The following ART3 variants were observed in gnomAD, a reference collection of about 807,000 sequenced individuals.
ART3 encodes the protein ADP-ribosyltransferase 3 (inactive).
In ART3, 49 loss-of-function variants were observed where a neutral mutation model predicts 48.5. The ratio of observed to expected loss-of-function variants is 1.01; its 90% CI spans 0.80 to 1.28. The LOEUF (loss-of-function observed/expected upper bound fraction) is 1.28, where lower values mean the gene tolerates loss of function less well. ART3 is among the 50% of genes most tolerant of loss of function. ART3 has a pLI of 0.00. For synonymous variants in ART3, 145 were observed against 157.2 expected, an observed-to-expected ratio of 0.92 and a Z score of 0.58; for missense variants, 438 against 454.3, an observed-to-expected ratio of 0.96 and a Z score of 0.33.
chr4:76,074,127 T>C (rs1276889477), upstream of ART3, among the ~76,000 whole-genome samples: 1 of 152,230 alleles, frequency 6.6e-6, no homozygotes, highest in Non-Finnish European at 1.5e-5. Context: ...GTTACTCAAA[T>C]GACAGCTGTA....
At chr4:76,104,755 C>T (rs1728102594) in intron 10 of ART3, 126 bp downstream of exon 10, 4 of 1,191,182 alleles carry the variant, frequency 3.4e-6, no homozygotes, top group Admixed American at 4.3e-5. Flanking sequence ...TCAGTAGTCA[C>T]ATGTACATGA....
chr4:76,039,836 C>G (rs981464764), intron 1 of ART3, among the ~76,000 whole-genome samples: 7 of 152,118 alleles, frequency 4.6e-5, no homozygotes, highest in African/African-American at 7.2e-5. Context: ...TAAAACAAGA[C>G]TAAACTCTTC....
intron 8 of ART3, 34 bp from the exon 9 acceptor site, chr4:76,103,903 A>C (rs375667853): frequency 3.1e-6 from 5 of 1,595,180 alleles, no homozygotes; most frequent in Non-Finnish European, 4.3e-6. Flanking sequence ...AAGATAACTG[A>C]TTAATACAAA....
chr4:76,088,111 G>A (rs866426952), intron 3 of ART3, among the ~76,000 whole-genome samples: 9 of 152,098 alleles, frequency 5.9e-5, no homozygotes, highest in African/African-American at 2.2e-4. Context: ...TGGGAGGACG[G>A]TGAATGAATT....
intron 3 of ART3, among the ~76,000 whole-genome samples, chr4:76,083,989 G>T (rs972419306): frequency 2.6e-5 from 4 of 152,144 alleles, no homozygotes; most frequent in Admixed American, 6.5e-5. Flanking sequence ...TCATAGCTCA[G>T]TTAGAGTGGT....
At chr4:76,100,431 G>A in intron 6 of ART3, 111 bp downstream of exon 6, 1 of 1,095,536 alleles carries the variant, frequency 9.1e-7, no homozygotes, top group Admixed American at 2.1e-5. Flanking sequence ...AGGAGATTGA[G>A]ACCATCCTGG....
At chr4:76,046,346 A>G (rs1735498551) in intron 1 of ART3, among the ~76,000 whole-genome samples, 2 of 152,066 alleles carry the variant, frequency 1.3e-5, no homozygotes. Flanking sequence ...GGGGTTGGGT[A>G]CAACTGGATA....
At chr4:76,052,904 T>C (rs1736271347) in intron 1 of ART3, among the ~76,000 whole-genome samples, 1 of 152,026 alleles carries the variant, frequency 6.6e-6, no homozygotes, top group Non-Finnish European at 1.5e-5. Context: ...AATTTTTGTA[T>C]TTTTAGTAGA....
chr4:76,040,528 G>GCCC (rs544351583), intron 1 of ART3, among the ~76,000 whole-genome samples: 1 of 47,232 alleles, frequency 2.1e-5, no homozygotes, highest in Non-Finnish European at 4.1e-5. Context: ...TCTCCCCCCC[G>GCCC]CCCCCTCCAT....
At chr4:76,104,531 CAA>C in intron 9 of ART3, 64 bp from the exon 10 acceptor site, 3 of 1,550,350 alleles carry the variant, frequency 1.9e-6, no homozygotes, top group Non-Finnish European at 2.6e-6. Flanking sequence ...GCTCAGCAGA[CAA>C]GAGTTTGAAA....
rs147737680 is a variant in ART3 at position 76,089,856 on chromosome 4, C to A, written c.781+7321C>A. Reference sequence around the variant, plus strand: ...CAGCACTTTGGGAGGCCGAGGCGGGCAGATCACGGGGTCAGGTGTTCGAGA... The same window carrying A: ...CAGCACTTTGGGAGGCCGAGGCGGGAAGATCACGGGGTCAGGTGTTCGAGA... On this transcript the variant is annotated intron_variant, in intron 3 of 11. Transcript: ENST00000355810. Among the ~76,000 whole-genome samples, 676 of 152,138 alleles carry A rather than the reference C, an allele frequency of 4.4e-3. 4 individuals are homozygous for A. Among genetic ancestry groups the A allele is most frequent in the African/African-American group, 0.016 (649 of 41,522 alleles).
At position 76,060,355 on chromosome 4, in the gene ART3, G is replaced by A. The variant is rs547454295; in HGVS notation, c.-9-15526G>A. 5.8e-3 allele frequency among the ~76,000 whole-genome samples: 875 copies of A among 151,942 alleles called. 18 individuals are homozygous for A. The highest frequency in any genetic ancestry group is 0.02 in the African/African-American group (832 of 41,400). ...TATCAGTTTGATTTATTTTGGCTGT[G>A]ACAATCAACTGTTTTCTCTCTCATG... On this transcript the variant is annotated intron_variant, in intron 1 of 9. Coordinates refer to the ART3 transcript ENST00000341029.
chr4:76,055,668 G>A (rs1308252562), intron 1 of ART3, among the ~76,000 whole-genome samples: 1 of 152,196 alleles, frequency 6.6e-6, no homozygotes, highest in Non-Finnish European at 1.5e-5. Flanking sequence ...GGAACAATTT[G>A]GGATAAATAA....
intron 1 of ART3, among the ~76,000 whole-genome samples, chr4:76,032,357 C>T (rs1296848750): frequency 6.6e-6 from 1 of 151,842 alleles, no homozygotes; most frequent in East Asian, 1.9e-4. Flanking sequence ...CAGGCATGTG[C>T]CACCATACCC....
At position 76,076,635 on chromosome 4, in the gene ART3, A is replaced by G. The variant is rs538166404; in HGVS notation, c.69+677A>G. On this transcript the variant is annotated intron_variant, in intron 2 of 11. Coordinates refer to ENST00000355810, the MANE Select transcript of ART3 (RefSeq NM_001130016.3). ...TTTCTTTGCATTTTAAGTTAATACT[A>G]TGCTGCATGTCACGCATGTCATCAG... Among the ~76,000 whole-genome samples the G allele has an allele frequency of 9.2e-5, 14 of 152,316 alleles. No homozygotes were observed. In the East Asian group the frequency reaches 2.5e-3, roughly 27 times the overall value.
intron 3 of ART3, among the ~76,000 whole-genome samples, chr4:76,084,445 G>A (rs2149572016): frequency 6.6e-6 from 1 of 152,238 alleles, no homozygotes; most frequent in South Asian, 2.1e-4. Context: ...TTTTTCCTTG[G>A]AATTTTGAAG....
chr4:76,051,906 T>C (rs914337835), intron 1 of ART3, among the ~76,000 whole-genome samples: 1 of 132,660 alleles, frequency 7.5e-6, no homozygotes, highest in Non-Finnish European at 1.5e-5. Context: ...CTCTTTTTTT[T>C]TTTTTTTTTT....
At chr4:76,053,844 C>T (rs1736365626) in intron 1 of ART3, among the ~76,000 whole-genome samples, 1 of 152,178 alleles carries the variant, frequency 6.6e-6, no homozygotes, top group South Asian at 2.1e-4. Context: ...AAAACAACTT[C>T]AGCATCACCA....
chr4:76,026,698 T>C (rs1356959353), intron 1 of ART3, among the ~76,000 whole-genome samples: 2 of 25,102 alleles, frequency 8.0e-5, no homozygotes, highest in Admixed American at 1.4e-3. Flanking sequence ...TTATTTGCTG[T>C]TTTTTTATCT....
Sources: gnomAD v4.1 joint callset for allele counts (sites outside exome capture counted in the v4.1 genomes callset) on GRCh38, gnomAD v4.1.1 for gene constraint, MANE v1.5 for transcripts, NCBI Gene and HGNC (gene_info 2026-07-23, HGNC 2026-07-21) for gene names.